Variants in MYO9A observed in about 807,000 individuals in gnomAD.
The protein encoded by MYO9A is myosin IXA.
MYO9A carries 103 observed loss-of-function variants against 293.3 expected under a neutral mutation model. The observed-to-expected ratio is 0.35, with a 90% CI of 0.30 to 0.41. The LOEUF (loss-of-function observed/expected upper bound fraction) is 0.41, where lower values mean the gene tolerates loss of function less well. MYO9A is among the 10% of genes least tolerant of loss of function. The pLI, the probability that MYO9A is intolerant of heterozygous loss-of-function variation, is 1.00. For missense variants in MYO9A, 2,685 were observed against 3,033.0 expected (o/e 0.89, Z 2.69); for synonymous variants, 1,001 against 1,035.7 (o/e 0.97, Z 0.64).
chr15:72,048,105 A>C (rs1312319135), intron 1 of MYO9A, among the ~76,000 whole-genome samples: 1 of 151,980 alleles, frequency 6.6e-6, no homozygotes, highest in Non-Finnish European at 1.5e-5. Flanking sequence ...TATAAAAAAA[A>C]CCCAGCCATA....
chr15:72,104,996 G>C (rs1443137651), intron 1 of MYO9A, among the ~76,000 whole-genome samples: 1 of 152,010 alleles, frequency 6.6e-6, no homozygotes, highest in Non-Finnish European at 1.5e-5. Flanking sequence ...CAAGGAGTCA[G>C]GAAACAGTGA....
intron 4 of MYO9A, among the ~76,000 whole-genome samples, chr15:72,027,132 T>C (rs1318177523): frequency 1.3e-5 from 2 of 152,214 alleles, no homozygotes; most frequent in African/African-American, 4.8e-5. Flanking sequence ...CCTTATTTCA[T>C]TATCATTAAA....
chr15:71,945,760 T>G (rs948746380), intron 15 of MYO9A, among the ~76,000 whole-genome samples: 2 of 152,082 alleles, frequency 1.3e-5, no homozygotes, highest in African/African-American at 4.8e-5. Flanking sequence ...CTGTGACCTT[T>G]AGCAAATGTC....
intron 1 of MYO9A, among the ~76,000 whole-genome samples, chr15:72,113,752 C>CAATAA (rs1394964510): frequency 6.6e-6 from 1 of 152,084 alleles, no homozygotes; most frequent in Non-Finnish European, 1.5e-5. Flanking sequence ...ACACAGCCAA[C>CAATAA]AATAAATGGC....
chr15:72,014,600 C>T (rs1397391993), intron 6 of MYO9A, among the ~76,000 whole-genome samples: 3 of 151,986 alleles, frequency 2.0e-5, no homozygotes, highest in Non-Finnish European at 4.4e-5. Flanking sequence ...GCAGAAGAAT[C>T]GCTTGAACCC....
chr15:71,932,079 A>G (rs2058490675), intron 18 of MYO9A, among the ~76,000 whole-genome samples: 1 of 152,174 alleles, frequency 6.6e-6, no homozygotes, highest in Admixed American at 6.5e-5. Flanking sequence ...TTCCGTTAGT[A>G]CCTCAAAACA....
chr15:72,037,548 G>T (rs2078092442), intron 2 of MYO9A, among the ~76,000 whole-genome samples: 1 of 152,110 alleles, frequency 6.6e-6, no homozygotes, highest in African/African-American at 2.4e-5. Context: ...GAACCTCATA[G>T]TAAAGACTGG....
chr15:71,898,703 A>C lies in MYO9A; in HGVS notation c.3800T>G (p.Val1267Gly). 1.2e-6 allele frequency: 2 copies of C among 1,613,946 alleles called. No homozygotes were observed. Among genetic ancestry groups the C allele is most frequent in the Non-Finnish European group, 1.7e-6 (2 of 1,179,982 alleles). Residue 1267 changes from valine (V) to glycine (G), a missense_variant, in exon 25 of 42, where the codon GTA becomes GGA. Physicochemically the swap from Val to Gly is moderately radical, Grantham distance 109 (BLOSUM62 -3). Transcript: ENST00000356056. Reference protein sequence around the residue: ...RSLEDLHQKKVGRAKRESRRM... With the variant: ...RSLEDLHQKKGGRAKRESRRM... ...CCTACTTTCTCTCTTAGCCCGGCCT[A>C]CTTTTTTCTGATGGAGATCCTCCAA... is the stretch of plus-strand genomic sequence containing the variant.
At position 71,830,184 on chromosome 15, in the gene MYO9A, G is replaced by C; in HGVS notation, c.6965C>G (p.Thr2322Arg). 6.2e-7 allele frequency: 1 copy of C among 1,614,058 alleles called. No individual in the cohort carries two copies. Among genetic ancestry groups the C allele is most frequent in the Non-Finnish European group, 8.5e-7 (1 of 1,179,976 alleles). Reference protein sequence around the residue: ...TSEAAMETDITEQQQAAMQQE... With the variant: ...TSEAAMETDIREQQQAAMQQE... ...CTGCATAGCTGCTTGCTGCTGTTCT[G>C]TGATGTCAGTCTCCATGGCTGCCTC... Residue 2322 changes from threonine (T) to arginine (R), a missense_variant, in exon 40 of 42, where the codon ACA (threonine) becomes AGA (arginine). Physicochemically the swap from Thr to Arg is moderately conservative, Grantham distance 71. Coordinates refer to ENST00000356056, the MANE Select transcript of MYO9A (RefSeq NM_006901.4).
chr15:72,086,527 A>G (rs1405927715), intron 1 of MYO9A, among the ~76,000 whole-genome samples: 4 of 152,056 alleles, frequency 2.6e-5, no homozygotes, highest in Admixed American at 2.6e-4. Context: ...AGGGAGGCAG[A>G]GTGCACTCAC....
intron 11 of MYO9A, among the ~76,000 whole-genome samples, chr15:71,985,500 T>G (rs1312851639): frequency 6.6e-6 from 1 of 152,230 alleles, no homozygotes; most frequent in African/African-American, 2.4e-5. Flanking sequence ...ACTTCTGATT[T>G]ACTTTTGTCT....
intron 1 of MYO9A, among the ~76,000 whole-genome samples, chr15:72,089,521 T>G (rs2079840877): frequency 6.6e-6 from 1 of 151,960 alleles, no homozygotes; most frequent in Non-Finnish European, 1.5e-5. Context: ...GGCTCACACC[T>G]ATAATCCCAG....
In MYO9A at chr15:71,898,379, C is replaced by A; in HGVS notation, c.4124G>T (p.Ser1375Ile). 1 of 1,613,614 alleles carries A rather than the reference C, an allele frequency of 6.2e-7. No homozygotes were observed. Among genetic ancestry groups the A allele is most frequent in the South Asian group, 1.1e-5 (1 of 91,078 alleles). The change falls in exon 25 of 42, where the codon AGT becomes ATT. Residue 1375 changes from serine to isoleucine, a missense_variant. Physicochemically the swap from Ser to Ile is moderately radical, Grantham distance 142. Around this residue, in one of 10 missense-constraint regions of MYO9A, gnomAD observed 1,434 missense variants for 1,497.7 expected, o/e 0.96. Transcript: ENST00000356056. ...PKFDSRDNAL[S>I]ASNETSSAEH... is the part of the protein sequence containing the mutation. ...TGCACTGCTAGTCTCATTTGAGGCA[C>A]TGAGGGCATTGTCCCGTGAATCAAA...
chr15:71,903,257 A>G (rs1321882512), intron 21 of MYO9A, among the ~76,000 whole-genome samples, 194 bp from the exon 22 acceptor site: 1 of 152,190 alleles, frequency 6.6e-6, no homozygotes, highest in Non-Finnish European at 1.5e-5. Flanking sequence ...TGGGTTCTAC[A>G]TATCATGACA....
At chr15:71,953,318 G>A (rs1365928008) in intron 14 of MYO9A, among the ~76,000 whole-genome samples, 1 of 152,188 alleles carries the variant, frequency 6.6e-6, no homozygotes, top group African/African-American at 2.4e-5. Flanking sequence ...GCAGTCAGCT[G>A]AAGGGGACCA....
intron 1 of MYO9A, among the ~76,000 whole-genome samples, chr15:72,077,072 A>T (rs534063764): frequency 6.6e-6 from 1 of 152,302 alleles, no homozygotes; most frequent in East Asian, 1.9e-4. Context: ...TTCACCAAAA[A>T]TTAACTCAAA....
chr15:71,909,043 T>C (rs374308687), intron 19 of MYO9A, among the ~76,000 whole-genome samples: 8 of 152,316 alleles, frequency 5.3e-5, no homozygotes, highest in African/African-American at 1.9e-4. Context: ...TTTCACTCAG[T>C]AATATGTATT....
chr15:71,941,493 G>A (rs889967611), intron 15 of MYO9A, among the ~76,000 whole-genome samples: 8 of 151,962 alleles, frequency 5.3e-5, no homozygotes, highest in Non-Finnish European at 1.0e-4. Context: ...CCATTTGTTC[G>A]AATTAGCAAA....
chr15:71,843,098 G>A (rs1203444414), intron 39 of MYO9A, among the ~76,000 whole-genome samples: 3 of 152,052 alleles, frequency 2.0e-5, no homozygotes, highest in Non-Finnish European at 4.4e-5. Flanking sequence ...ATGAGAGGAA[G>A]TTCTTAGACA....
Sources: gnomAD v4.1 joint callset for allele counts (sites outside exome capture counted in the v4.1 genomes callset) on GRCh38, gnomAD v4.1.1 for gene constraint, gnomAD v4.1.1 regional missense constraint, MANE v1.5 for transcripts, NCBI Gene and HGNC (gene_info 2026-07-23, HGNC 2026-07-21) for gene names.